PDE4D: variants seen among roughly 807,000 people sequenced by gnomAD.
The protein encoded by PDE4D is phosphodiesterase 4D, also known as 3',5'-cyclic-AMP phosphodiesterase 4D.
Under a neutral mutation model 87.4 loss-of-function variants are expected in PDE4D, and 24 were observed. That is an observed-to-expected ratio of 0.27 (90% CI 0.20 to 0.39). The LOEUF (loss-of-function observed/expected upper bound fraction) is 0.39, where lower values mean the gene tolerates loss of function less well. Ranked by LOEUF, PDE4D falls within the 10% of genes least tolerant of loss-of-function variation. PDE4D has a pLI of 1.00. For missense variants in PDE4D, 714 were observed against 1,041.0 expected, an observed-to-expected ratio of 0.69 and a Z score of 4.32; for synonymous variants, 384 against 383.2, an observed-to-expected ratio of 1.00 and a Z score of -0.02.
chr5:59,676,512 A>G (rs1328419788), intron 1 of PDE4D, among the ~76,000 whole-genome samples: 1 of 152,212 alleles, frequency 6.6e-6, no homozygotes, highest in Non-Finnish European at 1.5e-5. Context: ...CAACTAATAA[A>G]CCAACAGAGA....
chr5:60,280,341 C>CAT (rs144691641), intron 1 of PDE4D, among the ~76,000 whole-genome samples: 14,129 of 146,676 alleles, frequency 0.096, 2,237 homozygotes, highest in African/African-American at 0.33. Flanking sequence ...TATATACACA[C>CAT]ATATATATAA....
At chr5:60,182,047 T>C (rs1784417161) in intron 2 of PDE4D, among the ~76,000 whole-genome samples, 1 of 152,142 alleles carries the variant, frequency 6.6e-6, no homozygotes, top group African/African-American at 2.4e-5. Context: ...CTGAAATATA[T>C]AAACATCTGA....
In PDE4D at chr5:60,337,488, G is replaced by C. The variant is rs544575587; in HGVS notation, c.-90+150454C>G. Among the ~76,000 whole-genome samples the C allele has an allele frequency of 2.5e-4, 37 of 150,640 alleles. 2 individuals are homozygous for C. The South Asian group carries it at 6.8e-3, about 28-fold the overall frequency. On this transcript the variant is annotated intron_variant, in intron 1 of 16. Transcript: ENST00000502484. ...GCTATAAGAAGGAGGGAGAGCTTTT[G>C]AGGGGAGGTGATCAAACTGTTCTAT... is the stretch of plus-strand genomic sequence containing the variant.
At position 59,668,824 on chromosome 5, in the gene PDE4D, AG is replaced by A. The variant is rs974096374; in HGVS notation, c.455+224343del. The stretch of plus-strand genomic sequence containing the variant: ...AGAAGAAAGAAGAAGAAGAAGAAGA[AG>A]AAGAAGAGGAAGAGGAAGAGGAAGA... On this transcript the variant is annotated intron_variant, in intron 1 of 14. Transcript: ENST00000340635. 7.2e-5 allele frequency among the ~76,000 whole-genome samples: 7 copies of A among 96,666 alleles called. 1 individual carries two copies. The highest frequency in any genetic ancestry group is 2.4e-4 in the African/African-American group (5 of 20,504). The allele number at this position is 96,666 out of a possible 152,430, so 63.4% of individuals were successfully genotyped here.
chr5:60,180,000 G>A (rs1282662490), intron 2 of PDE4D, among the ~76,000 whole-genome samples: 1 of 151,990 alleles, frequency 6.6e-6, no homozygotes, highest in East Asian at 1.9e-4. Context: ...TTTTGTATCT[G>A]TGGTGTTTAC....
At chr5:60,439,061 A>ATAAG (rs1744990045) in intron 1 of PDE4D, among the ~76,000 whole-genome samples, 1 of 152,168 alleles carries the variant, frequency 6.6e-6, no homozygotes, top group African/African-American at 2.4e-5. Flanking sequence ...GATATGACAT[A>ATAAG]TAAGTAGAAC....
intron 2 of PDE4D, among the ~76,000 whole-genome samples, chr5:59,194,239 A>G (rs775939189): frequency 1.3e-5 from 2 of 152,202 alleles, no homozygotes; most frequent in Non-Finnish European, 2.9e-5. Flanking sequence ...AAAGTGAGAA[A>G]CTGGGGCCCA....
At chr5:59,863,757 G>C (rs1746619694) in intron 1 of PDE4D, among the ~76,000 whole-genome samples, 1 of 152,152 alleles carries the variant, frequency 6.6e-6, no homozygotes, top group Admixed American at 6.5e-5. Flanking sequence ...CTAAGTACCA[G>C]ATATTTTTAG....
chr5:59,562,121 CA>C (rs997414933), intron 1 of PDE4D, among the ~76,000 whole-genome samples: 5 of 151,924 alleles, frequency 3.3e-5, no homozygotes, highest in African/African-American at 1.2e-4. Flanking sequence ...AGAGAAAGCC[CA>C]AAGTGTTTTT....
chr5:59,826,057 C>A (rs1402989431), intron 1 of PDE4D, among the ~76,000 whole-genome samples: 1 of 152,164 alleles, frequency 6.6e-6, no homozygotes, highest in Non-Finnish European at 1.5e-5. Flanking sequence ...TTAAATCAAT[C>A]AATTCCTCAT....
chr5:59,244,668 A>ATGTGTG (rs1162437569), intron 1 of PDE4D, among the ~76,000 whole-genome samples: 1 of 107,012 alleles, frequency 9.3e-6, no homozygotes, highest in African/African-American at 3.4e-5. Flanking sequence ...ATATGTATGT[A>ATGTGTG]TGTGTGTGTG....
At chr5:59,732,394 T>A (rs1295568420) in intron 1 of PDE4D, among the ~76,000 whole-genome samples, 8 of 146,128 alleles carry the variant, frequency 5.5e-5, no homozygotes, top group African/African-American at 1.8e-4. Flanking sequence ...CAGGAGACAT[T>A]CACACACACA....
rs932937071 is a variant in PDE4D, at chr5:60,214,846, C to A, written c.-89-29159G>T. Among the ~76,000 whole-genome samples the A allele has an allele frequency of 2.6e-5, 4 of 152,174 alleles. No individual in the cohort carries two copies. In the South Asian group the frequency reaches 6.2e-4, roughly 24 times the overall value. On this transcript the variant is annotated intron_variant, in intron 1 of 16. Coordinates refer to the PDE4D transcript ENST00000502484. The stretch of plus-strand genomic sequence containing the variant: ...AGAAAGAAAGCTTCTAAAGTGGAAT[C>A]TCTGTGCCCCAGAAGTCCTTGAGCC...
intron 5 of PDE4D, among the ~76,000 whole-genome samples, chr5:59,150,016 G>C (rs950026243): frequency 3.3e-5 from 5 of 152,156 alleles, no homozygotes; most frequent in African/African-American, 1.2e-4. Flanking sequence ...AAATGGAGCA[G>C]AAACTTAATG....
intron 1 of PDE4D, among the ~76,000 whole-genome samples, chr5:59,773,337 C>T (rs1763763344): frequency 6.6e-6 from 1 of 152,116 alleles, no homozygotes; most frequent in African/African-American, 2.4e-5. Flanking sequence ...TTTGACTCTA[C>T]ATTATACAAA....
At chr5:59,564,829 A>G (rs538179876) in intron 1 of PDE4D, among the ~76,000 whole-genome samples, 1 of 152,224 alleles carries the variant, frequency 6.6e-6, no homozygotes, top group South Asian at 2.1e-4. Flanking sequence ...ATGTTTGAAA[A>G]AGTGATGCAC....
chr5:60,143,863 T>C (rs991466383), intron 2 of PDE4D, among the ~76,000 whole-genome samples: 1 of 152,078 alleles, frequency 6.6e-6, no homozygotes, highest in Non-Finnish European at 1.5e-5. Flanking sequence ...TTAAATATGA[T>C]AAAAGTTATA....
intron 2 of PDE4D, among the ~76,000 whole-genome samples, chr5:59,204,519 G>C (rs1748297983): frequency 6.6e-6 from 1 of 152,166 alleles, no homozygotes; most frequent in African/African-American, 2.4e-5. Flanking sequence ...CATGTGTGTA[G>C]ACATATTCAC....
intron 3 of PDE4D, among the ~76,000 whole-genome samples, chr5:59,906,595 C>A (rs773306410): frequency 2.0e-5 from 3 of 152,172 alleles, no homozygotes; most frequent in Admixed American, 6.5e-5. Context: ...CTCACAAAGT[C>A]TAAAATATTT....
Sources: gnomAD v4.1 joint callset for allele counts (sites outside exome capture counted in the v4.1 genomes callset) on GRCh38, gnomAD v4.1.1 for gene constraint, MANE v1.5 for transcripts, NCBI Gene and HGNC (gene_info 2026-07-23, HGNC 2026-07-21) for gene names.